Variants in CLPP observed in about 807,000 individuals in gnomAD.
CLPP encodes the protein ATP-dependent Clp protease proteolytic subunit, mitochondrial.
In CLPP, 14 loss-of-function variants were observed where a neutral mutation model predicts 27.4. That is an observed-to-expected ratio of 0.51 (90% CI 0.34 to 0.80). The LOEUF is 0.80. CLPP is among the 30% of genes least tolerant of loss of function. The pLI is 0.02. For missense variants in CLPP, 361 were observed against 403.6 expected, an observed-to-expected ratio of 0.89 and a Z score of 0.90; for synonymous variants, 193 against 166.6, an observed-to-expected ratio of 1.16 and a Z score of -1.22.
rs2091853148 is a variant in CLPP, at chr19:6,364,649, A to G, written c.555+10A>G. On this transcript the variant is annotated intron_variant, in intron 4 of 5. Transcript: ENST00000245816. ...CTCAGGAGGCGCCCGGGTGAGTGCC[A>G]GACACGCGAGCTGCTGTTGGGAATC... 1 of 1,604,032 alleles carries G rather than the reference A, an allele frequency of 6.2e-7. No homozygotes were observed. The highest frequency in any genetic ancestry group is 1.3e-5 in the African/African-American group (1 of 74,670).
chr19:6,365,803 A>AG (rs1314919484), intron 4 of CLPP, among the ~76,000 whole-genome samples: 2 of 138,736 alleles, frequency 1.4e-5, no homozygotes, highest in Non-Finnish European at 3.0e-5. Context: ...CCAGCAACAG[A>AG]GGAAGACCCT....
At chr19:6,366,649 G>GT (rs2091864187) in intron 5 of CLPP, among the ~76,000 whole-genome samples, 1 of 151,846 alleles carries the variant, frequency 6.6e-6, no homozygotes, top group African/African-American at 2.4e-5. Flanking sequence ...TTGTTTGTTT[G>GT]TTTTTTTGAG....
rs780624187 is a variant in CLPP, at chr19:6,364,568, G to A, written c.484G>A (p.Gly162Ser). ...CATGGGCTCCCTGCTTCTCGCCGCC[G>A]GCACCCCAGGCATGCGCCACTCGCT... Reference protein sequence around the residue: ...ASMGSLLLAAGTPGMRHSLPN... With the variant: ...ASMGSLLLAASTPGMRHSLPN... The change falls in exon 4 of 6, where the codon GGC (glycine) becomes AGC (serine). Residue 162 changes from glycine (G) to serine (S), a missense_variant. Coordinates refer to ENST00000245816, the MANE Select transcript of CLPP (RefSeq NM_006012.4). The A allele has an allele frequency of 3.7e-6, 6 of 1,613,006 alleles. No homozygotes were observed. Among genetic ancestry groups the A allele is most frequent in the African/African-American group, 2.7e-5 (2 of 74,866 alleles).
intron 3 of CLPP, among the ~76,000 whole-genome samples, chr19:6,362,747 C>T (rs2091842328): frequency 6.6e-6 from 1 of 152,122 alleles, no homozygotes; most frequent in Non-Finnish European, 1.5e-5. Flanking sequence ...CCTCTTTGAT[C>T]CTGCACATAC....
At position 6,368,917 on chromosome 19, in the gene CLPP, A is replaced by G. The variant is rs1021885845; in HGVS notation, c.*207A>G. Reference sequence around the variant, plus strand: ...TTGTGGTCTTTGCTCTGCGTCTGGGACACCCTCCCTTCTGCACCATGACAG... The same window carrying G: ...TTGTGGTCTTTGCTCTGCGTCTGGGGCACCCTCCCTTCTGCACCATGACAG... On this transcript the variant is annotated 3_prime_UTR_variant, in exon 6 of 6. Transcript: ENST00000245816. The G allele has an allele frequency of 6.8e-6, 4 of 585,894 alleles. No individual in the cohort carries two copies. In the African/African-American group the frequency reaches 7.5e-5, roughly 11 times the overall value. The allele number at this position is 585,894 out of a possible 1,614,324, so 36.3% of individuals were successfully genotyped here.
At position 6,368,747 on chromosome 19, in the gene CLPP, C is replaced by G; in HGVS notation, c.*37C>G. The stretch of plus-strand genomic sequence containing the variant: ...CCTCTCCAGAATCATGTGGAGGGGC[C>G]AGAGGCCTGCCAGACCCCCAGCTGG... On this transcript the variant is annotated 3_prime_UTR_variant, in exon 6 of 6. Transcript: ENST00000245816. The G allele has an allele frequency of 1.3e-6, 2 of 1,533,896 alleles. No individual in the cohort carries two copies.
At chr19:6,363,412 C>T (rs918144450) in intron 3 of CLPP, among the ~76,000 whole-genome samples, 5 of 152,100 alleles carry the variant, frequency 3.3e-5, no homozygotes, top group Non-Finnish European at 5.9e-5. Context: ...CATGAGCCAC[C>T]ACGCCTGGCC....
At chr19:6,366,857 G>A (rs541704675) in intron 5 of CLPP, among the ~76,000 whole-genome samples, 101 of 151,820 alleles carry the variant, frequency 6.7e-4, no homozygotes, top group African/African-American at 2.3e-3. Flanking sequence ...TCTCAAACTC[G>A]TGAGCTCAAG....
chr19:6,362,404 C>A, intron 2 of CLPP, 42 bp from the exon 3 acceptor site: 1 of 1,438,478 alleles, frequency 7.0e-7, no homozygotes. Context: ...AACTCTCTCC[C>A]CACCCCGAAT....
Position 6,366,364 on chromosome 19 carries a change from G to A in CLPP, c.661+1G>A. On this transcript the variant is annotated splice_donor_variant, in intron 5 of 5. Coordinates refer to ENST00000245816, the MANE Select transcript of CLPP (RefSeq NM_006012.4). LOFTEE classifies it high-confidence loss of function. The stretch of plus-strand genomic sequence containing the variant: ...ACCAAACAGAGCCTGCAGGTGATCG[G>A]TAAGCACCCTCCTTTATTTCATCCT... 6.2e-7 allele frequency: 1 copy of A among 1,603,396 alleles called. No individual in the cohort carries two copies. Among genetic ancestry groups the A allele is most frequent in the Non-Finnish European group, 8.5e-7 (1 of 1,172,352 alleles).
intron 5 of CLPP, among the ~76,000 whole-genome samples, chr19:6,367,457 C>T (rs1487505451): frequency 2.0e-5 from 3 of 147,762 alleles, no homozygotes; most frequent in African/African-American, 7.5e-5. Flanking sequence ...GAAGAATAAA[C>T]ACTCTGTGAT....
At position 6,361,553 on chromosome 19, in the gene CLPP, G is replaced by A. The variant is rs776729776; in HGVS notation, c.-22G>A. 1.3e-5 allele frequency: 18 copies of A among 1,386,018 alleles called. No homozygotes were observed. The highest frequency in any genetic ancestry group is 3.1e-5 in the African/African-American group (2 of 65,342). 85.9% of individuals were successfully genotyped at this position (1,386,018 alleles called of 1,614,324 possible). On this transcript the variant is annotated 5_prime_UTR_variant, in exon 1 of 6. Coordinates refer to ENST00000245816, the MANE Select transcript of CLPP (RefSeq NM_006012.4). ...GCTGTAGTTCCGCCATCGGACGGAA[G>A]CCGACCGGGGCGTGCGGAGGGATGT...
rs1433703024 is a variant in CLPP, at chr19:6,369,922, G to C, written c.*1212G>C. On this transcript the variant is annotated 3_prime_UTR_variant, in exon 6 of 6. Coordinates refer to ENST00000245816, the MANE Select transcript of CLPP (RefSeq NM_006012.4). ...TAAGGATGACTATGACTCCTGAGGA[G>C]TGCACCATGAGCAGAAACTGGAGAG... Among the ~76,000 whole-genome samples, 1 of 152,246 alleles carries C rather than the reference G, an allele frequency of 6.6e-6. No individual in the cohort carries two copies. The highest frequency in any genetic ancestry group is 1.5e-5 in the Non-Finnish European group (1 of 68,050).
Position 6,366,355 on chromosome 19 carries a change from A to C in CLPP, c.653A>C (p.Gln218Pro). The C allele has an allele frequency of 6.2e-7, 1 of 1,609,770 alleles. No individual in the cohort carries two copies. Among genetic ancestry groups the C allele is most frequent in the Non-Finnish European group, 8.5e-7 (1 of 1,177,382 alleles). The change falls in exon 5 of 6, where the codon CAG (glutamine) becomes CCG (proline). Residue 218 changes from glutamine (Q) to proline (P), a missense_variant. Gln to Pro is a moderately conservative substitution (Grantham distance 76). Around this residue, in one of 2 missense-constraint regions of CLPP, gnomAD observed 213 missense variants for 280.9 expected, o/e 0.76. Coordinates refer to ENST00000245816, the MANE Select transcript of CLPP (RefSeq NM_006012.4). ...GCCAAGCACACCAAACAGAGCCTGC[A>C]GGTGATCGGTAAGCACCCTCCTTTA... ...IYAKHTKQSLQVIESAMERDR... is the reference protein window; with the variant it reads ...IYAKHTKQSLPVIESAMERDR...
rs769823589 is a variant in CLPP, at chr19:6,361,727, G to A, written c.153G>A (p.Thr51=). The stretch of plus-strand genomic sequence containing the variant: ...CCCTGCAGCGGTGCCTGCACGCGAC[G>A]GCGACCCGGGCTCTCCCGCTCATTC... ...GLALQRCLHA[T]ATRALPLIPI... Residue 51 remains threonine, a synonymous_variant, in exon 1 of 6, where the codon ACG becomes ACA. Transcript: ENST00000245816. The A allele has an allele frequency of 2.7e-5, 41 of 1,507,222 alleles. No homozygotes were observed. Among genetic ancestry groups the A allele is most frequent in the South Asian group, 1.9e-4 (15 of 79,330 alleles). 93.4% of individuals were successfully genotyped at this position (1,507,222 alleles called of 1,614,324 possible). A position where few individuals can be genotyped will look rare whatever the true frequency, so the allele number is the denominator to read the frequency against.
In CLPP at chr19:6,369,633, G is replaced by A. The variant is rs1454356971; in HGVS notation, c.*923G>A. On this transcript the variant is annotated 3_prime_UTR_variant, in exon 6 of 6. Coordinates refer to ENST00000245816, the MANE Select transcript of CLPP (RefSeq NM_006012.4). ...GTACCTGGCATGTGAGGACCTATGAGGAGGCCCGTGGCTGAGGGAAGGTGG... is the reference window on the plus strand; with the variant it reads ...GTACCTGGCATGTGAGGACCTATGAAGAGGCCCGTGGCTGAGGGAAGGTGG... Among the ~76,000 whole-genome samples the A allele has an allele frequency of 1.3e-5, 2 of 152,114 alleles. No homozygotes were observed. The highest frequency in any genetic ancestry group is 6.6e-5 in the Admixed American group (1 of 15,256).
intron 4 of CLPP, 37 bp from the exon 5 acceptor site, chr19:6,366,221 C>A: frequency 1.4e-6 from 2 of 1,476,478 alleles, no homozygotes; most frequent in Non-Finnish European, 1.9e-6. Flanking sequence ...ACGCCGATAC[C>A]AACCTTTACC....
At chr19:6,364,117 G>A (rs2091849648) in intron 3 of CLPP, among the ~76,000 whole-genome samples, 1 of 145,714 alleles carries the variant, frequency 6.9e-6, no homozygotes, top group Non-Finnish European at 1.5e-5. Context: ...TGCAACCTCC[G>A]CCTCCCGGGT....
rs147589840 is a variant in CLPP, at chr19:6,366,363, G to A, written c.661G>A (p.Glu221Lys). ...KHTKQSLQVI[E>K]SAMERDRYMS... ...CACCAAACAGAGCCTGCAGGTGATC[G>A]GTAAGCACCCTCCTTTATTTCATCC... The change falls in exon 5 of 6, where the codon GAG becomes AAG. Residue 221 changes from glutamate to lysine, a missense_variant and splice_region_variant. Physicochemically the swap from Glu to Lys is moderately conservative, Grantham distance 56. Transcript: ENST00000245816. The A allele has an allele frequency of 6.2e-6, 10 of 1,604,306 alleles. No homozygotes were observed. Among genetic ancestry groups the A allele is most frequent in the African/African-American group, 2.7e-5 (2 of 74,726 alleles).
Sources: allele counts gnomAD v4.1 joint callset (sites outside exome capture counted in the v4.1 genomes callset), GRCh38; gene constraint gnomAD v4.1.1; regional missense constraint gnomAD v4.1.1; transcripts MANE v1.5; gene names NCBI Gene and HGNC (gene_info 2026-07-23, HGNC 2026-07-21).